CTNNA1: variants seen among roughly 807,000 people sequenced by gnomAD.
CTNNA1 encodes catenin alpha-1.
CTNNA1 carries 37 observed loss-of-function variants against 98.4 expected under a neutral mutation model. The observed-to-expected ratio is 0.38, with a 90% CI of 0.29 to 0.49. The LOEUF (loss-of-function observed/expected upper bound fraction) is 0.49, where lower values mean the gene tolerates loss of function less well. Ranked by LOEUF, CTNNA1 falls within the 20% of genes least tolerant of loss-of-function variation. The probability of loss-of-function intolerance (pLI) is 0.95; values close to 1 mark genes in which losing one functional copy is unlikely to be tolerated. For synonymous variants in CTNNA1, 404 were observed against 413.2 expected (o/e 0.98, Z 0.27); for missense variants, 761 against 1,147.2 (o/e 0.66, Z 4.86).
intron 1 of CTNNA1, among the ~76,000 whole-genome samples, chr5:138,774,414 A>G (rs1307175806): frequency 1.3e-5 from 2 of 152,114 alleles, no homozygotes; most frequent in Non-Finnish European, 2.9e-5. Context: ...CCATGTAAAA[A>G]TCTGCATCCC....
rs558667862 is a variant in CTNNA1, at chr5:138,877,636, A to T, written c.1063-8576A>T. 3.3e-5 allele frequency among the ~76,000 whole-genome samples: 5 copies of T among 151,536 alleles called. No homozygotes were observed. In the East Asian group the frequency reaches 9.7e-4, roughly 29 times the overall value. Reference sequence around the variant, plus strand: ...CTAATTTTTTGTATTTTTAGTAGAGACGGGGTTTCACCTTGTTAGCCAGGA... The same window carrying T: ...CTAATTTTTTGTATTTTTAGTAGAGTCGGGGTTTCACCTTGTTAGCCAGGA... On this transcript the variant is annotated intron_variant, in intron 7 of 17. Transcript: ENST00000302763.
At chr5:138,842,656 G>A (rs1473860218) in intron 7 of CTNNA1, among the ~76,000 whole-genome samples, 1 of 152,186 alleles carries the variant, frequency 6.6e-6, no homozygotes, top group Non-Finnish European at 1.5e-5. Flanking sequence ...CCTTGATGAT[G>A]ACCTTGAGCA....
At chr5:138,929,778 CATTT>C (rs771679421) in intron 14 of CTNNA1, among the ~76,000 whole-genome samples, 1 of 152,228 alleles carries the variant, frequency 6.6e-6, no homozygotes, top group East Asian at 1.9e-4. Context: ...CCATTGCATT[CATTT>C]GAGTCATTAA....
intron 3 of CTNNA1, among the ~76,000 whole-genome samples, chr5:138,787,983 G>A (rs10054176): frequency 6.6e-6 from 1 of 152,154 alleles, no homozygotes; most frequent in Non-Finnish European, 1.5e-5. Flanking sequence ...TGTGATCTAA[G>A]AGTTTAATTG....
intron 7 of CTNNA1, among the ~76,000 whole-genome samples, chr5:138,842,782 G>A (rs146524931): frequency 1.1e-3 from 162 of 152,254 alleles, no homozygotes; most frequent in African/African-American, 3.5e-3. Context: ...ATGTTGTAGC[G>A]TTCAGATAAA....
At chr5:138,894,172 G>T (rs376931925) in intron 9 of CTNNA1, among the ~76,000 whole-genome samples, 1 of 151,974 alleles carries the variant, frequency 6.6e-6, no homozygotes, top group African/African-American at 2.4e-5. Flanking sequence ...ACCCGCCTCA[G>T]CCTCCCAAAG....
At chr5:138,775,155 C>T (rs1458006546) in intron 1 of CTNNA1, among the ~76,000 whole-genome samples, 1 of 152,138 alleles carries the variant, frequency 6.6e-6, no homozygotes, top group African/African-American at 2.4e-5. Flanking sequence ...CCTTTGCAAC[C>T]CTGGAAGGTT....
rs1388673998 is a variant in CTNNA1 at position 138,782,270 on chromosome 5, C to T, written c.105+241C>T. ...GTCCATGGTATGTAGTGCAACTTTG[C>T]AAATGTTTGTGCTTTGCAGATACTT... is the stretch of plus-strand genomic sequence containing the variant. On this transcript the variant is annotated intron_variant, in intron 2 of 17. Coordinates refer to ENST00000302763, the MANE Select transcript of CTNNA1 (RefSeq NM_001903.5). 4 of 580,172 alleles carry T rather than the reference C, an allele frequency of 6.9e-6. 1 individual carries two copies. The highest frequency in any genetic ancestry group is 6.2e-5 in the South Asian group (4 of 64,616). 35.9% of individuals were successfully genotyped at this position (580,172 alleles called of 1,614,324 possible).
chr5:138,932,006 C>T (rs1190772559), intron 16 of CTNNA1: 7 of 985,468 alleles, frequency 7.1e-6, no homozygotes, highest in Non-Finnish European at 7.2e-6. Flanking sequence ...GCAGGGGCCA[C>T]CCTTTTCTCT....
chr5:138,784,681 C>A (rs1755482980), intron 3 of CTNNA1, among the ~76,000 whole-genome samples: 1 of 152,082 alleles, frequency 6.6e-6, no homozygotes, highest in South Asian at 2.1e-4. Flanking sequence ...ATTCTGAAGG[C>A]CAGAAATCTG....
At chr5:138,832,504 A>G (rs1761363262) in intron 7 of CTNNA1, among the ~76,000 whole-genome samples, 1 of 152,224 alleles carries the variant, frequency 6.6e-6, no homozygotes, top group South Asian at 2.1e-4. Flanking sequence ...GATGGATGTT[A>G]TAATCTTAAA....
At chr5:138,860,932 ATTC>A (rs1160936759) in intron 7 of CTNNA1, among the ~76,000 whole-genome samples, 2 of 152,094 alleles carry the variant, frequency 1.3e-5, no homozygotes, top group Non-Finnish European at 2.9e-5. Context: ...AGGATGGTAT[ATTC>A]TTCTTCTCTT....
chr5:138,932,169 C>G, intron 16 of CTNNA1: 1 of 1,003,040 alleles, frequency 1.0e-6, no homozygotes, highest in Middle Eastern at 5.0e-4. Context: ...CTAAAAACAT[C>G]TGGACTTTTC....
At chr5:138,800,507 G>A (rs1241191532) in intron 3 of CTNNA1, among the ~76,000 whole-genome samples, 2 of 152,100 alleles carry the variant, frequency 1.3e-5, no homozygotes, top group Non-Finnish European at 2.9e-5. Context: ...AAAAAGTGCA[G>A]CAGAAGGCCA....
At chr5:138,926,714 C>T (rs920164159) in intron 13 of CTNNA1, among the ~76,000 whole-genome samples, 7 of 151,734 alleles carry the variant, frequency 4.6e-5, no homozygotes, top group African/African-American at 9.8e-5. Context: ...GATGATTTCT[C>T]CCATTTTTAG....
intron 3 of CTNNA1, among the ~76,000 whole-genome samples, chr5:138,785,304 G>T (rs1031387287): frequency 1.3e-5 from 2 of 151,632 alleles, no homozygotes; most frequent in African/African-American, 2.4e-5. Flanking sequence ...CTCGTGATCC[G>T]CCCGCCTCGG....
intron 7 of CTNNA1, among the ~76,000 whole-genome samples, chr5:138,877,478 T>A (rs1055739094): frequency 6.6e-6 from 1 of 150,822 alleles, no homozygotes; most frequent in African/African-American, 2.4e-5. Context: ...TCTCGCTCTG[T>A]CGCCCAGGCC....
intron 1 of CTNNA1, among the ~76,000 whole-genome samples, chr5:138,767,137 C>T (rs909507667): frequency 2.6e-5 from 4 of 152,150 alleles, no homozygotes; most frequent in Middle Eastern, 3.4e-3. Flanking sequence ...CCCGGGTTCA[C>T]GCCATTCTCC....
At chr5:138,828,101 A>C (rs1216962705) in intron 7 of CTNNA1, 1 of 185,032 alleles carries the variant, frequency 5.4e-6, no homozygotes, top group Non-Finnish European at 1.2e-5. Context: ...CTTCACCTCT[A>C]ATATTTTAGC....
Sources: gnomAD v4.1 joint callset for allele counts (sites outside exome capture counted in the v4.1 genomes callset) on GRCh38, gnomAD v4.1.1 for gene constraint, MANE v1.5 for transcripts, NCBI Gene and HGNC (gene_info 2026-07-23, HGNC 2026-07-21) for gene names.